The following LCP2 variants were observed in gnomAD, a reference collection of about 807,000 sequenced individuals.
LCP2 encodes the protein 76 kDa tyrosine phosphoprotein.
Under a neutral mutation model 74.5 loss-of-function variants are expected in LCP2, and 29 were observed. The observed-to-expected ratio is 0.39, with a 90% CI of 0.29 to 0.53. LCP2 has a LOEUF of 0.53. Ranked by LOEUF, LCP2 falls within the 20% of genes least tolerant of loss-of-function variation. LCP2 has a pLI of 0.72. For missense variants in LCP2, 604 were observed against 634.6 expected, an observed-to-expected ratio of 0.95 and a Z score of 0.52; for synonymous variants, 228 against 229.5, an observed-to-expected ratio of 0.99 and a Z score of 0.06.
At chr5:170,257,417 GA>G (rs1393729800) in intron 16 of LCP2, among the ~76,000 whole-genome samples, 1 of 152,160 alleles carries the variant, frequency 6.6e-6, no homozygotes, top group Non-Finnish European at 1.5e-5. Flanking sequence ...CAATATTAGG[GA>G]AGGATCTTGG....
chr5:170,267,228 C>T (rs1031963169), intron 8 of LCP2, 153 bp from the exon 9 acceptor site: 1 of 726,888 alleles, frequency 1.4e-6, no homozygotes, highest in Non-Finnish European at 2.3e-6. Flanking sequence ...CCGCAGTAGC[C>T]TCCTATCTGA....
intron 3 of LCP2, among the ~76,000 whole-genome samples, chr5:170,287,493 G>A (rs369993840): frequency 6.6e-6 from 1 of 152,210 alleles, no homozygotes; most frequent in East Asian, 1.9e-4. Flanking sequence ...CCCTTTCCTC[G>A]GGATTCTTCT....
chr5:170,251,781 T>C (rs1297134621), intron 19 of LCP2: 1 of 384,254 alleles, frequency 2.6e-6, no homozygotes, highest in African/African-American at 2.1e-5. Flanking sequence ...CCCAGAATAA[T>C]TAGAATCTCA....
At chr5:170,252,280 G>T in intron 19 of LCP2, 154 bp downstream of exon 19, 1 of 459,098 alleles carries the variant, frequency 2.2e-6, no homozygotes, top group Non-Finnish European at 3.9e-6. Flanking sequence ...GGTGCTGGTA[G>T]TTGTGAAGCT....
At chr5:170,252,247 C>T (rs1333339774) in intron 19 of LCP2, 187 bp downstream of exon 19, 3 of 403,196 alleles carry the variant, frequency 7.4e-6, no homozygotes, top group South Asian at 6.4e-5. Flanking sequence ...TAATGATTCC[C>T]GAGCCTAGGA....
Position 170,258,261 on chromosome 5 carries a change from A to G in LCP2, c.971-95T>C, listed in dbSNP as rs909830678. On this transcript the variant is annotated intron_variant, in intron 15 of 20. Transcript: ENST00000046794. The stretch of plus-strand genomic sequence containing the variant: ...CGCCCCCCAGTTAGAAACAGCTAGT[A>G]TAAAGAGGACACAAAAATAAAGCAG... 1.0e-5 allele frequency: 13 copies of G among 1,301,606 alleles called. No homozygotes were observed. The African/African-American group carries it at 1.9e-4, about 19-fold the overall frequency. The allele number at this position is 1,301,606 out of a possible 1,614,324, so 80.6% of individuals were successfully genotyped here.
chr5:170,260,362 G>A (rs1761630864), intron 14 of LCP2, among the ~76,000 whole-genome samples: 1 of 152,248 alleles, frequency 6.6e-6, no homozygotes, highest in Admixed American at 6.5e-5. Flanking sequence ...CTGAGCCCTT[G>A]AATGACAGCA....
chr5:170,295,910 C>T (rs911781162), intron 1 of LCP2, among the ~76,000 whole-genome samples: 1 of 152,150 alleles, frequency 6.6e-6, no homozygotes, highest in Non-Finnish European at 1.5e-5. Context: ...CTTCCCCCAG[C>T]TCAGGCAGTG....
At chr5:170,272,789 T>A (rs1299841065) in intron 6 of LCP2, among the ~76,000 whole-genome samples, 1 of 151,426 alleles carries the variant, frequency 6.6e-6, no homozygotes, top group African/African-American at 2.4e-5. Flanking sequence ...ATTTTTGTAT[T>A]TTTTAGTAGA....
intron 2 of LCP2, among the ~76,000 whole-genome samples, chr5:170,290,653 TC>T (rs1467466410): frequency 1.3e-5 from 2 of 152,206 alleles, no homozygotes; most frequent in African/African-American, 4.8e-5. Flanking sequence ...ACAGGCTTTT[TC>T]CATCGGTTAG....
intron 12 of LCP2, 35 bp downstream of exon 12, chr5:170,262,807 T>A: frequency 6.2e-7 from 1 of 1,613,930 alleles, no homozygotes; most frequent in Middle Eastern, 1.6e-4. Context: ...CTACAGAACG[T>A]CCCATGTACC....
rs759838361 is a variant in LCP2 at position 170,261,132 on chromosome 5, C to T, written c.932G>A (p.Gly311Glu). Residue 311 changes from glycine to glutamate, a missense_variant, in exon 14 of 21, where the codon GGA becomes GAA. Coordinates refer to ENST00000046794, the MANE Select transcript of LCP2 (RefSeq NM_005565.5). The stretch of plus-strand genomic sequence containing the variant: ...ATTCTCTCTTCTGTCTGGTCCCCAT[C>T]CATGCCTGAAATGAATTAGGGCAAA... Reference protein sequence around the residue: ...PGKKPPVPKHGWGPDRRENDE... With the variant: ...PGKKPPVPKHEWGPDRRENDE... The T allele has an allele frequency of 4.4e-6, 7 of 1,604,368 alleles. No homozygotes were observed. The highest frequency in any genetic ancestry group is 4.0e-5 in the African/African-American group (3 of 74,724).
chr5:170,274,017 T>C, intron 6 of LCP2: 1 of 460,512 alleles, frequency 2.2e-6, no homozygotes, highest in Non-Finnish European at 4.0e-6. Context: ...TGTTTGCAAA[T>C]GAAGGTTTAT....
intron 3 of LCP2, among the ~76,000 whole-genome samples, chr5:170,280,561 T>G (rs567319710): frequency 4.6e-5 from 7 of 152,272 alleles, no homozygotes; most frequent in African/African-American, 1.4e-4. Context: ...GTCGAGAGTG[T>G]AAGAGTAGGA....
chr5:170,284,692 C>T (rs1186207077), intron 3 of LCP2, among the ~76,000 whole-genome samples: 2 of 151,600 alleles, frequency 1.3e-5, no homozygotes, highest in African/African-American at 4.8e-5. Context: ...ATTCTTTCCT[C>T]TCCTTTAGGG....
At chr5:170,286,859 C>G (rs985609513) in intron 3 of LCP2, among the ~76,000 whole-genome samples, 2 of 152,092 alleles carry the variant, frequency 1.3e-5, no homozygotes, top group Non-Finnish European at 2.9e-5. Flanking sequence ...GCTCTGAGAC[C>G]CTTAGAGTAA....
intron 13 of LCP2, among the ~76,000 whole-genome samples, chr5:170,261,824 C>T (rs1456174596): frequency 1.3e-5 from 2 of 152,314 alleles, no homozygotes; most frequent in East Asian, 3.9e-4. Context: ...TTGTTGAACA[C>T]CTCCTGTGTG....
chr5:170,274,399 C>T, intron 5 of LCP2, 61 bp from the exon 6 acceptor site: 1 of 1,550,208 alleles, frequency 6.5e-7, no homozygotes, highest in Non-Finnish European at 8.8e-7. Flanking sequence ...GAGGGAAAGT[C>T]AAAGCAGCTT....
chr5:170,282,304 A>C (rs1762118368), intron 3 of LCP2, among the ~76,000 whole-genome samples: 1 of 152,240 alleles, frequency 6.6e-6, no homozygotes. Context: ...GTAATGAACA[A>C]GACAAATAAA....
Sources: gnomAD v4.1 joint callset for allele counts (sites outside exome capture counted in the v4.1 genomes callset) on GRCh38, gnomAD v4.1.1 for gene constraint, MANE v1.5 for transcripts, NCBI Gene and HGNC (gene_info 2026-07-23, HGNC 2026-07-21) for gene names.